Variants in SLC23A2 observed in about 807,000 individuals in gnomAD.
SLC23A2 encodes solute carrier family 23 member 2, also known as Na(+)/L-ascorbic acid transporter 2.
In SLC23A2, 36 loss-of-function variants were observed where a neutral mutation model predicts 73.3. The observed-to-expected ratio is 0.49, with a 90% CI of 0.38 to 0.65. SLC23A2 has a LOEUF of 0.65. SLC23A2 is among the 30% of genes least tolerant of loss of function. The pLI is 0.00. For missense variants in SLC23A2, 507 were observed against 841.6 expected (o/e 0.60, Z 4.92); for synonymous variants, 343 against 327.3 (o/e 1.05, Z -0.52).
At chr20:4,918,702 G>A (rs6084934) in intron 3 of SLC23A2, among the ~76,000 whole-genome samples, 3 of 152,154 alleles carry the variant, frequency 2.0e-5, no homozygotes, top group South Asian at 2.1e-4. Flanking sequence ...GTGCTGCTTC[G>A]TGACACCTGT....
upstream of SLC23A2, among the ~76,000 whole-genome samples, chr20:5,004,628 C>T (rs1395410896): frequency 1.3e-5 from 2 of 152,136 alleles, no homozygotes; most frequent in Non-Finnish European, 2.9e-5. Context: ...GGAGGATCGC[C>T]TTTGCCAGGA....
chr20:4,913,200 T>C (rs2275783), intron 3 of SLC23A2, among the ~76,000 whole-genome samples: 53,728 of 152,008 alleles, frequency 0.35, 10,214 homozygotes, highest in East Asian at 0.64. Context: ...CCCACATCCT[T>C]CAGGGGAAGG....
intron 15 of SLC23A2, among the ~76,000 whole-genome samples, chr20:4,860,258 T>C (rs1261752256): frequency 1.3e-5 from 2 of 152,242 alleles, no homozygotes; most frequent in East Asian, 1.9e-4. Context: ...GGTGCCTTCA[T>C]GGGTATACAG....
intron 3 of SLC23A2, among the ~76,000 whole-genome samples, chr20:4,915,181 A>G (rs1360175619): frequency 6.6e-6 from 1 of 152,242 alleles, no homozygotes; most frequent in Non-Finnish European, 1.5e-5. Flanking sequence ...AAAGGACAGA[A>G]AAGCATACAG....
At chr20:4,986,649 T>TACACACAC (rs55738084) in intron 1 of SLC23A2, among the ~76,000 whole-genome samples, 31 of 129,806 alleles carry the variant, frequency 2.4e-4, no homozygotes, top group South Asian at 8.4e-4. Flanking sequence ...CATACACACA[T>TACACACAC]ACACACACAC....
intron 4 of SLC23A2, among the ~76,000 whole-genome samples, chr20:4,910,819 A>C (rs1204920600): frequency 1.3e-5 from 2 of 152,216 alleles, no homozygotes; most frequent in Non-Finnish European, 2.9e-5. Context: ...GGAAAATATT[A>C]AGATACTCCA....
At chr20:4,965,623 G>C (rs1021809474) in intron 2 of SLC23A2, among the ~76,000 whole-genome samples, 1 of 151,854 alleles carries the variant, frequency 6.6e-6, no homozygotes, top group Non-Finnish European at 1.5e-5. Context: ...AATTAGCCAG[G>C]TATGGTGGTG....
rs192341070 is a variant in SLC23A2, at chr20:4,987,544, G to C, written c.-282+13862C>G. Among the ~76,000 whole-genome samples the C allele has an allele frequency of 6.4e-4, 97 of 152,206 alleles. 1 individual carries two copies. Among genetic ancestry groups the C allele is most frequent in the African/African-American group, 2.2e-3 (92 of 41,552 alleles). On this transcript the variant is annotated intron_variant, in intron 1 of 16. Coordinates refer to ENST00000338244, the MANE Select transcript of SLC23A2 (RefSeq NM_005116.6). ...GGTCAATGTCAAGATGCTGGGCTTT[G>C]TTCGCTAAAAAAAACACTATGTGGC... is the stretch of plus-strand genomic sequence containing the variant.
chr20:4,965,966 CAAAA>C (rs3055921), intron 2 of SLC23A2, among the ~76,000 whole-genome samples: 1 of 100,068 alleles, frequency 1.0e-5, no homozygotes, highest in Non-Finnish European at 1.9e-5. Flanking sequence ...GACTCCATCT[CAAAA>C]AAAAAAAAAA....
intron 6 of SLC23A2, among the ~76,000 whole-genome samples, chr20:4,892,251 ATC>A: frequency 6.6e-6 from 1 of 152,310 alleles, no homozygotes; most frequent in East Asian, 1.9e-4. Flanking sequence ...GGTCTACCTT[ATC>A]TCGGCTCACT....
intron 1 of SLC23A2, among the ~76,000 whole-genome samples, chr20:4,993,044 C>G (rs985389903): frequency 2.6e-5 from 4 of 151,558 alleles, no homozygotes; most frequent in African/African-American, 9.7e-5. Context: ...TTTGGGAGGC[C>G]GAGGCAGGTG....
intron 1 of SLC23A2, among the ~76,000 whole-genome samples, chr20:4,983,460 C>T (rs1303350882): frequency 2.7e-5 from 4 of 149,632 alleles, no homozygotes; most frequent in African/African-American, 1.0e-4. Context: ...TCCTGGCCAA[C>T]ACGGTGAAAC....
rs1354930010 is a variant in SLC23A2 at position 4,899,684 on chromosome 20, A to G, written c.353T>C (p.Ile118Thr). 6.2e-7 allele frequency: 1 copy of G among 1,614,168 alleles called. No homozygotes were observed. Among genetic ancestry groups the G allele is most frequent in the Non-Finnish European group, 8.5e-7 (1 of 1,180,008 alleles). The change falls in exon 6 of 17, where the codon ATC becomes ACC. Residue 118 changes from isoleucine (I) to threonine (T), a missense_variant. Ile to Thr is a moderately conservative substitution (Grantham distance 89). Coordinates refer to ENST00000338244, the MANE Select transcript of SLC23A2 (RefSeq NM_005116.6). This position sits in a 1 kb window ranked among gnomAD's most constrained non-coding sequence, Gnocchi z 4.9. ...ATCGGCCAACAGGAAGGGCACTGCG[A>G]TCGTGCCGCTGAAGCATGTCAGGTA... ...QHYLTCFSGT[I>T]AVPFLLADAM...
intron 2 of SLC23A2, among the ~76,000 whole-genome samples, chr20:4,950,154 T>G (rs150399094): frequency 6.6e-6 from 1 of 152,320 alleles, no homozygotes; most frequent in African/African-American, 2.4e-5. Context: ...GCAGGCTGGA[T>G]AGTCTATTGT....
intron 2 of SLC23A2, among the ~76,000 whole-genome samples, chr20:4,964,110 T>C (rs928109746): frequency 2.6e-5 from 4 of 151,576 alleles, no homozygotes; most frequent in African/African-American, 9.7e-5. Flanking sequence ...TGGGCTCAGG[T>C]GATCCTCCCA....
chr20:4,884,547 T>G (rs983016613), intron 8 of SLC23A2, among the ~76,000 whole-genome samples: 1 of 152,216 alleles, frequency 6.6e-6, no homozygotes, highest in South Asian at 2.1e-4. Context: ...GAGGAAACCA[T>G]TCCTTAAGGT....
At chr20:4,874,298 A>C (rs1930570486) in intron 10 of SLC23A2, among the ~76,000 whole-genome samples, 1 of 152,216 alleles carries the variant, frequency 6.6e-6, no homozygotes, top group Admixed American at 6.5e-5. Context: ...CTGGTAAAAC[A>C]AGAATGGACA....
chr20:4,904,555 T>C (rs974097392), intron 4 of SLC23A2, among the ~76,000 whole-genome samples: 4 of 152,236 alleles, frequency 2.6e-5, no homozygotes, highest in East Asian at 1.9e-4. Flanking sequence ...TGGGAACTTC[T>C]GAACTGAGGG....
intron 2 of SLC23A2, among the ~76,000 whole-genome samples, chr20:4,952,947 C>T (rs897450491): frequency 1.2e-4 from 18 of 151,672 alleles, no homozygotes; most frequent in African/African-American, 4.1e-4. Flanking sequence ...TGCTTGAACC[C>T]GGGAGGCGAA....
Sources: gnomAD v4.1 joint callset for allele counts (sites outside exome capture counted in the v4.1 genomes callset) on GRCh38, gnomAD v4.1.1 for gene constraint, Gnocchi (gnomAD v3.1) non-coding constraint, MANE v1.5 for transcripts, NCBI Gene and HGNC (gene_info 2026-07-23, HGNC 2026-07-21) for gene names.